Variants in CNTNAP4 observed in about 807,000 individuals in gnomAD.
The protein encoded by CNTNAP4 is contactin-associated protein-like 4.
A neutral mutation model predicts 148.4 loss-of-function variants in CNTNAP4; 98 were observed. The ratio of observed to expected loss-of-function variants is 0.66; its 90% CI spans 0.56 to 0.78. The LOEUF is 0.78. Among genes scored for constraint, CNTNAP4 ranks in the 30% least tolerant of loss-of-function variants. The pLI, the probability that CNTNAP4 is intolerant of heterozygous loss-of-function variation, is 0.00. For missense variants in CNTNAP4, 1,935 were observed against 1,565.6 expected (o/e 1.24, Z -3.98); for synonymous variants, 730 against 565.1 (o/e 1.29, Z -4.14).
At chr16:76,401,950 T>G (rs1418790847) in intron 3 of CNTNAP4, among the ~76,000 whole-genome samples, 1 of 152,192 alleles carries the variant, frequency 6.6e-6, no homozygotes, top group Non-Finnish European at 1.5e-5. Context: ...TTGCAAGTAT[T>G]TTGTTGAGGA....
chr16:76,528,897 G>C (rs1378405610), intron 17 of CNTNAP4, among the ~76,000 whole-genome samples: 1 of 152,174 alleles, frequency 6.6e-6, no homozygotes, highest in East Asian at 1.9e-4. Flanking sequence ...ATACAGATCA[G>C]AAGGCTTTTG....
At position 76,471,882 on chromosome 16, in the gene CNTNAP4, T is replaced by C. The variant is rs548654641; in HGVS notation, c.1656-4057T>C. On this transcript the variant is annotated intron_variant, in intron 10 of 23. Transcript: ENST00000611870. The stretch of plus-strand genomic sequence containing the variant: ...GTGGTGACCATTATCCTAGCGCTCA[T>C]TGGCACTTAAGTTTATTTCCCTAAA... 2.1e-4 allele frequency among the ~76,000 whole-genome samples: 32 copies of C among 152,328 alleles called. No homozygotes were observed. In the South Asian group the frequency reaches 2.7e-3, roughly 13 times the overall value.
At chr16:76,456,616 G>A (rs1024641181) in intron 8 of CNTNAP4, among the ~76,000 whole-genome samples, 2 of 124,298 alleles carry the variant, frequency 1.6e-5, no homozygotes, top group Admixed American at 7.8e-5. Context: ...TATTGTTGAT[G>A]TTCAACAGAA....
At chr16:76,351,326 T>G (rs1453061858) in intron 2 of CNTNAP4, among the ~76,000 whole-genome samples, 1 of 151,936 alleles carries the variant, frequency 6.6e-6, no homozygotes, top group African/African-American at 2.4e-5. Flanking sequence ...CAGTTACGTT[T>G]GCATTTCATG....
At chr16:76,382,080 A>G (rs1450068501) in intron 3 of CNTNAP4, among the ~76,000 whole-genome samples, 1 of 151,262 alleles carries the variant, frequency 6.6e-6, no homozygotes, top group Non-Finnish European at 1.5e-5. Flanking sequence ...AAAAAAAAAA[A>G]AAAAAAAAGA....
chr16:76,541,445 G>A (rs536547461), intron 21 of CNTNAP4, among the ~76,000 whole-genome samples: 26 of 152,236 alleles, frequency 1.7e-4, no homozygotes, highest in Admixed American at 1.4e-3. Context: ...AATTTTAATA[G>A]ATATTTATTT....
chr16:76,474,521 A>T (rs1056397963), intron 10 of CNTNAP4, among the ~76,000 whole-genome samples: 1 of 152,198 alleles, frequency 6.6e-6, no homozygotes, highest in Admixed American at 6.5e-5. Context: ...TTTATAAGCA[A>T]AACGGGAAGT....
intron 19 of CNTNAP4, among the ~76,000 whole-genome samples, chr16:76,539,011 C>A (rs894623813): frequency 6.6e-6 from 1 of 151,938 alleles, no homozygotes; most frequent in Non-Finnish European, 1.5e-5. Context: ...TCAAATATAT[C>A]CCAAGGGTAC....
In CNTNAP4 at chr16:76,554,180, T is replaced by C. The variant is rs145885195; in HGVS notation, c.3733+273T>C. ...AATTGCTAACATGTGTAATAATGAA[T>C]ATTATCAAGCTTGAACATAGCCACA... On this transcript the variant is annotated intron_variant, in intron 23 of 23. Transcript: ENST00000611870. Among the ~76,000 whole-genome samples, 338 of 152,338 alleles carry C rather than the reference T, an allele frequency of 2.2e-3. 1 individual carries two copies. In the Middle Eastern group the frequency reaches 0.024, roughly 11 times the overall value.
intron 3 of CNTNAP4, among the ~76,000 whole-genome samples, chr16:76,361,782 A>T (rs1395966989): frequency 1.3e-5 from 2 of 152,132 alleles, no homozygotes; most frequent in African/African-American, 4.8e-5. Flanking sequence ...AATTTCTACC[A>T]ACTATGTACT....
At chr16:76,455,664 A>G (rs2080700114) in intron 8 of CNTNAP4, among the ~76,000 whole-genome samples, 1 of 152,208 alleles carries the variant, frequency 6.6e-6, no homozygotes, top group African/African-American at 2.4e-5. Flanking sequence ...CGGTTAGTGG[A>G]TATAAGAATG....
At chr16:76,370,408 A>T (rs74856453) in intron 3 of CNTNAP4, among the ~76,000 whole-genome samples, 1 of 152,162 alleles carries the variant, frequency 6.6e-6, no homozygotes, top group South Asian at 2.1e-4. Context: ...GAATTATGGA[A>T]GCAGTGGGTA....
chr16:76,308,258 A>G (rs1400930318), intron 1 of CNTNAP4, among the ~76,000 whole-genome samples: 1 of 152,232 alleles, frequency 6.6e-6, no homozygotes, highest in African/African-American at 2.4e-5. Context: ...TAAAGAAGCT[A>G]AAGAACTGCA....
chr16:76,366,858 A>G (rs1243916089), intron 3 of CNTNAP4, among the ~76,000 whole-genome samples: 1 of 152,220 alleles, frequency 6.6e-6, no homozygotes, highest in Non-Finnish European at 1.5e-5. Flanking sequence ...ATAGAAGAAC[A>G]CTTGATTAAA....
intron 15 of CNTNAP4, among the ~76,000 whole-genome samples, chr16:76,502,408 T>C (rs1179820150): frequency 6.6e-6 from 1 of 150,902 alleles, no homozygotes; most frequent in Non-Finnish European, 1.5e-5. Flanking sequence ...TGAGGCTCAC[T>C]GGACAGATAT....
At chr16:76,331,254 C>T (rs1963489805) in intron 2 of CNTNAP4, among the ~76,000 whole-genome samples, 1 of 151,652 alleles carries the variant, frequency 6.6e-6, no homozygotes, top group Admixed American at 6.6e-5. Context: ...GTGGCGCGAT[C>T]TCGGCTCACT....
intron 13 of CNTNAP4, among the ~76,000 whole-genome samples, chr16:76,494,538 G>A (rs970319160): frequency 6.6e-6 from 1 of 151,976 alleles, no homozygotes; most frequent in Admixed American, 6.6e-5. Context: ...TTTTGCTTTG[G>A]TATGTTAATT....
intron 8 of CNTNAP4, among the ~76,000 whole-genome samples, chr16:76,458,976 T>C (rs987486741): frequency 2.0e-5 from 3 of 152,208 alleles, no homozygotes; most frequent in African/African-American, 4.8e-5. Context: ...ATTTTTTTAG[T>C]AATTTATTTT....
chr16:76,547,114 G>T (rs1327918024), intron 21 of CNTNAP4, among the ~76,000 whole-genome samples: 1 of 152,146 alleles, frequency 6.6e-6, no homozygotes, highest in Admixed American at 6.5e-5. Context: ...ATGCCGAAGT[G>T]ACTGACTTGT....
Sources: allele counts gnomAD v4.1 joint callset (sites outside exome capture counted in the v4.1 genomes callset), GRCh38; gene constraint gnomAD v4.1.1; transcripts MANE v1.5; gene names NCBI Gene and HGNC (gene_info 2026-07-23, HGNC 2026-07-21).